Variants in DZIP3 observed in about 807,000 individuals in gnomAD.
DZIP3 encodes the protein E3 ubiquitin-protein ligase DZIP3.
In DZIP3, 118 loss-of-function variants were observed where a neutral mutation model predicts 162.0. The ratio of observed to expected loss-of-function variants is 0.73; its 90% CI spans 0.63 to 0.85. DZIP3 has a LOEUF of 0.85. Among genes scored for constraint, DZIP3 ranks in the 40% least tolerant of loss-of-function variants. DZIP3 has a pLI of 0.00. For missense variants in DZIP3, 1,331 were observed against 1,407.0 expected (o/e 0.95, Z 0.86); for synonymous variants, 438 against 458.6 (o/e 0.96, Z 0.57).
intron 21 of DZIP3, among the ~76,000 whole-genome samples, chr3:108,663,777 T>G (rs577275812): frequency 6.8e-4 from 104 of 152,284 alleles, no homozygotes; most frequent in Admixed American, 1.6e-3. Context: ...AGCAGTCCAC[T>G]TTTGCTGATG....
Position 108,624,445 on chromosome 3 carries a change from C to T in DZIP3, c.377C>T (p.Ala126Val). The T allele has an allele frequency of 6.4e-7, 1 of 1,572,512 alleles. No homozygotes were observed. ...ATTAACATATTTTTTTCTTTGTAGGCACACCAGATTAATATTGGTTATTAT... is the reference window on the plus strand; with the variant it reads ...ATTAACATATTTTTTTCTTTGTAGGTACACCAGATTAATATTGGTTATTAT... ...LRNIQAGNYTAHQINIGYYLT... is the reference protein window; with the variant it reads ...LRNIQAGNYTVHQINIGYYLT... The change falls in exon 6 of 33, where the codon GCA becomes GTA. Residue 126 changes from alanine to valine, a missense_variant and splice_region_variant. Ala to Val is a moderately conservative substitution (Grantham distance 64, BLOSUM62 0). Around this residue, in one of 2 missense-constraint regions of DZIP3, gnomAD observed 1,278 missense variants for 1,317.1 expected, o/e 0.97. Coordinates refer to ENST00000361582, the MANE Select transcript of DZIP3 (RefSeq NM_014648.4).
At chr3:108,677,438 A>G in intron 25 of DZIP3, 59 bp from the exon 26 acceptor site, 1 of 1,379,324 alleles carries the variant, frequency 7.2e-7, no homozygotes, top group East Asian at 2.3e-5. Flanking sequence ...AGATATTCCC[A>G]TATGCTGTCT....
chr3:108,677,973 A>G (rs574789237), intron 26 of DZIP3, among the ~76,000 whole-genome samples: 3 of 152,168 alleles, frequency 2.0e-5, no homozygotes, highest in African/African-American at 7.2e-5. Context: ...GCACAGCAGG[A>G]GGTGAGCAGT....
chr3:108,656,169 G>T (rs1181114533), intron 19 of DZIP3, among the ~76,000 whole-genome samples: 2 of 152,210 alleles, frequency 1.3e-5, no homozygotes, highest in African/African-American at 4.8e-5. Context: ...CACGTAGCTT[G>T]AGATCTGAGA....
At chr3:108,646,558 A>G in intron 14 of DZIP3, 59 bp from the exon 15 acceptor site, 1 of 1,196,376 alleles carries the variant, frequency 8.4e-7, no homozygotes, top group Non-Finnish European at 1.2e-6. Context: ...AATCCTAGCC[A>G]GACATTCATT....
rs748396733 is a variant in DZIP3 at position 108,690,837 on chromosome 3, C to T, written c.3567C>T (p.Leu1189=). The change falls in exon 32 of 33, where the codon CTC becomes CTT. Residue 1189 remains leucine (L), a synonymous_variant. Coordinates refer to ENST00000361582, the MANE Select transcript of DZIP3 (RefSeq NM_014648.4). The part of the protein sequence containing the change: ...MQQGTCPTCR[L]HVLLPEEFPG... ...AGGGGACATGTCCAACGTGCAGACT[C>T]CACGTTTTGCTACCAGAAGAATTCC... 3.7e-6 allele frequency: 6 copies of T among 1,614,112 alleles called. No individual in the cohort carries two copies. Among genetic ancestry groups the T allele is most frequent in the Non-Finnish European group, 5.1e-6 (6 of 1,179,986 alleles).
chr3:108,662,364 G>A, intron 21 of DZIP3, 107 bp downstream of exon 21: 1 of 1,332,596 alleles, frequency 7.5e-7, no homozygotes, highest in Non-Finnish European at 9.9e-7. Flanking sequence ...TACACATTAG[G>A]AACCTCAACC....
At chr3:108,673,171 T>TC (rs1943986864) in intron 23 of DZIP3, among the ~76,000 whole-genome samples, 2 of 151,950 alleles carry the variant, frequency 1.3e-5, no homozygotes, top group African/African-American at 4.8e-5. Context: ...TATTTATACA[T>TC]AACAAAACTT....
Position 108,686,459 on chromosome 3 carries a change from C to T in DZIP3, c.3024C>T (p.Ala1008=). Residue 1008 remains alanine, a synonymous_variant, in exon 28 of 33, where the codon GCC becomes GCT. Coordinates refer to ENST00000361582, the MANE Select transcript of DZIP3 (RefSeq NM_014648.4). ...QPRAPLMTGI[A]WALPAPVGDA... ...GCCTCTTACAGATGACTGGCATAGCCTGGGCTCTGCCAGCGCCTGTGGGAG... is the reference window on the plus strand; with the variant it reads ...GCCTCTTACAGATGACTGGCATAGCTTGGGCTCTGCCAGCGCCTGTGGGAG... The T allele has an allele frequency of 1.3e-6, 2 of 1,594,850 alleles. No homozygotes were observed. Among genetic ancestry groups the T allele is most frequent in the Non-Finnish European group, 1.7e-6 (2 of 1,173,052 alleles).
chr3:108,661,735 G>A (rs1943444848), intron 19 of DZIP3, 142 bp from the exon 20 acceptor site: 1 of 593,364 alleles, frequency 1.7e-6, no homozygotes, highest in African/African-American at 1.9e-5. Flanking sequence ...TGTAATTGAG[G>A]GGAGGTGGGT....
At chr3:108,649,580 T>A (rs1052977159) in intron 17 of DZIP3, among the ~76,000 whole-genome samples, 1 of 151,832 alleles carries the variant, frequency 6.6e-6, no homozygotes, top group African/African-American at 2.4e-5. Context: ...TATGCAACTT[T>A]GTGGTGAAAA....
chr3:108,611,963 C>CAA (rs10663799), intron 4 of DZIP3, among the ~76,000 whole-genome samples: 22,165 of 141,602 alleles, frequency 0.16, 2,009 homozygotes, highest in Non-Finnish European at 0.23. Flanking sequence ...CACTCTGTCT[C>CAA]AAAAAAAAAA....
chr3:108,633,138 A>T, intron 9 of DZIP3, 66 bp downstream of exon 9: 3 of 700,166 alleles, frequency 4.3e-6, no homozygotes, highest in South Asian at 6.3e-5. Context: ...AACTATATAA[A>T]ATAATAAAAA....
intron 1 of DZIP3, among the ~76,000 whole-genome samples, 166 bp from the exon 2 acceptor site, chr3:108,605,169 G>A (rs1016730800): frequency 6.6e-6 from 1 of 152,082 alleles, no homozygotes; most frequent in African/African-American, 2.4e-5. Context: ...TAAAAAATAA[G>A]CATATTAAAG....
chr3:108,647,933 T>C lies in DZIP3; in HGVS notation c.1793-10T>C, dbSNP rs893368624. 1.3e-6 allele frequency: 2 copies of C among 1,501,738 alleles called. No homozygotes were observed. The highest frequency in any genetic ancestry group is 1.8e-6 in the Non-Finnish European group (2 of 1,129,044). 93.0% of individuals were successfully genotyped at this position (1,501,738 alleles called of 1,614,324 possible). On this transcript the variant is annotated splice_polypyrimidine_tract_variant and intron_variant, in intron 15 of 32. Coordinates refer to ENST00000361582, the MANE Select transcript of DZIP3 (RefSeq NM_014648.4). The stretch of plus-strand genomic sequence containing the variant: ...ATCTAGATTTTGAGAATTTTGTCTT[T>C]TATGTTTAGGTATTGAAATAGAAGA...
chr3:108,631,050 C>CACACACACAT (rs1553705333), intron 8 of DZIP3, among the ~76,000 whole-genome samples: 1 of 111,956 alleles, frequency 8.9e-6, no homozygotes, highest in Admixed American at 9.5e-5. Flanking sequence ...CACACACACA[C>CACACACACAT]ACACACTCTC....
Position 108,677,567 on chromosome 3 carries a change from T to C in DZIP3, c.2852T>C (p.Leu951Pro). ...TTGAGTACCTTGCCTCCAGTCCAGC[T>C]TCCTCCTCCACCACCCAGTCCTGAG... Reference protein sequence around the residue: ...FALSTLPPVQLPPPPPSPEIL... With the variant: ...FALSTLPPVQPPPPPPSPEIL... The change falls in exon 26 of 33, where the codon CTT (leucine) becomes CCT (proline). Residue 951 changes from leucine (L) to proline (P), a missense_variant. By Grantham distance (98) the Leu-to-Pro change is moderately conservative (BLOSUM62 -3). Around this residue, in one of 2 missense-constraint regions of DZIP3, gnomAD observed 1,278 missense variants for 1,317.1 expected, o/e 0.97. Coordinates refer to ENST00000361582, the MANE Select transcript of DZIP3 (RefSeq NM_014648.4). 6.2e-7 allele frequency: 1 copy of C among 1,612,648 alleles called. No individual in the cohort carries two copies. Among genetic ancestry groups the C allele is most frequent in the African/African-American group, 1.3e-5 (1 of 74,950 alleles).
chr3:108,629,828 G>A (rs901562953), intron 8 of DZIP3, among the ~76,000 whole-genome samples: 1 of 151,144 alleles, frequency 6.6e-6, no homozygotes, highest in Admixed American at 6.6e-5. Flanking sequence ...TAAATATATA[G>A]TATTTTTTAT....
intron 8 of DZIP3, among the ~76,000 whole-genome samples, chr3:108,631,055 A>ACACACACATACACTCTCTCTCTCT: frequency 2.2e-4 from 4 of 18,014 alleles, no homozygotes; most frequent in African/African-American, 2.8e-4. Flanking sequence ...ACACACACAC[A>ACACACACATACACTCTCTCTCTCT]CTCTCTCTCT....
Sources: allele counts gnomAD v4.1 joint callset (sites outside exome capture counted in the v4.1 genomes callset), GRCh38; gene constraint gnomAD v4.1.1; regional missense constraint gnomAD v4.1.1; transcripts MANE v1.5; gene names NCBI Gene and HGNC (gene_info 2026-07-23, HGNC 2026-07-21).